NKPD1: variants seen among roughly 807,000 people sequenced by gnomAD.
NKPD1 encodes the protein NTPase KAP family P-loop domain-containing protein 1.
In NKPD1, 37 loss-of-function variants were observed where a neutral mutation model predicts 42.2. The observed-to-expected ratio is 0.88, with a 90% CI of 0.67 to 1.15. The LOEUF is 1.15. Among genes scored for constraint, NKPD1 ranks in the 50% most tolerant of loss-of-function variants. The pLI, the probability that NKPD1 is intolerant of heterozygous loss-of-function variation, is 0.00. For synonymous variants in NKPD1, 552 were observed against 536.5 expected, an observed-to-expected ratio of 1.03 and a Z score of -0.40; for missense variants, 1,113 against 1,174.6, an observed-to-expected ratio of 0.95 and a Z score of 0.77.
intron 3 of NKPD1, among the ~76,000 whole-genome samples, chr19:45,157,865 C>T (rs1484191872): frequency 6.6e-6 from 1 of 151,658 alleles, no homozygotes; most frequent in Non-Finnish European, 1.5e-5. Context: ...ACTGGGATTA[C>T]ACGCGCCAGC....
At position 45,151,999 on chromosome 19, in the gene NKPD1, T is replaced by C; in HGVS notation, c.2438A>G (p.Lys813Arg). ...GAGCGCACAGGCCACCGGCCATAGC[T>C]TGCCCCTGTGGGCCAAGTCCCCAGT... ...HHTGDLAHRGKLWPVACALFR... is the reference protein window; with the variant it reads ...HHTGDLAHRGRLWPVACALFR... Residue 813 changes from lysine to arginine, a missense_variant, in exon 5 of 5, where the codon AAG becomes AGG. By Grantham distance (26) the Lys-to-Arg change is conservative. Around this residue, in one of 3 missense-constraint regions of NKPD1, gnomAD observed 867 missense variants for 870.1 expected, o/e 1.00. Coordinates refer to ENST00000686631, the MANE Select transcript of NKPD1 (RefSeq NM_198478.4). 1 of 1,609,682 alleles carries C rather than the reference T, an allele frequency of 6.2e-7. No homozygotes were observed. Among genetic ancestry groups the C allele is most frequent in the Non-Finnish European group, 8.5e-7 (1 of 1,178,068 alleles).
chr19:45,156,391 G>T (rs766236340), intron 3 of NKPD1, among the ~76,000 whole-genome samples: 1 of 152,154 alleles, frequency 6.6e-6, no homozygotes, highest in African/African-American at 2.4e-5. Flanking sequence ...TCCTCCCACC[G>T]TCCTGTCCAT....
At chr19:45,156,867 G>A (rs1311400969) in intron 3 of NKPD1, among the ~76,000 whole-genome samples, 1 of 152,240 alleles carries the variant, frequency 6.6e-6, no homozygotes, top group Non-Finnish European at 1.5e-5. Context: ...AGAGCCAGGA[G>A]GCCAGGAAGC....
In NKPD1 at chr19:45,153,610, A is replaced by T; in HGVS notation, c.827T>A (p.Phe276Tyr). The T allele has an allele frequency of 1.3e-6, 2 of 1,577,034 alleles. No individual in the cohort carries two copies. The highest frequency in any genetic ancestry group is 1.7e-6 in the Non-Finnish European group (2 of 1,159,456). The change falls in exon 5 of 5, where the codon TTC becomes TAC. Residue 276 changes from phenylalanine (F) to tyrosine (Y), a missense_variant. By Grantham distance (22) the Phe-to-Tyr change is conservative. This residue lies in a region of NKPD1 where 867 missense variants were observed against 870.1 expected (regional missense o/e 1.00). Transcript: ENST00000686631. ...CCAGGCGCTAAAGCGGATGAAAAGGAACTGCACGTTCCTGCGCCGCAGGTG... is the reference window on the plus strand; with the variant it reads ...CCAGGCGCTAAAGCGGATGAAAAGGTACTGCACGTTCCTGCGCCGCAGGTG... ...EVHLRRRNVQ[F>Y]LFIRFSAWQY...
intron 3 of NKPD1, among the ~76,000 whole-genome samples, chr19:45,157,743 G>C: frequency 4.2e-5 from 1 of 23,900 alleles, no homozygotes; most frequent in Non-Finnish European, 8.5e-5. Context: ...TTTTTTTTTT[G>C]AGACAGAGTC....
chr19:45,153,698 C>T lies in NKPD1; in HGVS notation c.739G>A (p.Gly247Ser), dbSNP rs1270718376. The stretch of plus-strand genomic sequence containing the variant: ...CACAGTAGCTGCGGGACGCCCCAGC[C>T]GCTCACGGCACGCGGCCGCCACTGC... ...HVQWRPRAVS[G>S]WGVPQLLWYL... The change falls in exon 5 of 5, where the codon GGC becomes AGC. Residue 247 changes from glycine to serine, a missense_variant. Around this residue, in one of 3 missense-constraint regions of NKPD1, gnomAD observed 867 missense variants for 870.1 expected, o/e 1.00. Transcript: ENST00000686631. 3 of 1,545,200 alleles carry T rather than the reference C, an allele frequency of 1.9e-6. No individual in the cohort carries two copies. Among genetic ancestry groups the T allele is most frequent in the Non-Finnish European group, 2.6e-6 (3 of 1,142,802 alleles).
chr19:45,153,451 C>G lies in NKPD1; in HGVS notation c.986G>C (p.Cys329Ser), dbSNP rs866062547. 1 of 1,549,326 alleles carries G rather than the reference C, an allele frequency of 6.5e-7. No homozygotes were observed. The highest frequency in any genetic ancestry group is 1.4e-5 in the African/African-American group (1 of 73,730). Residue 329 changes from cysteine (C) to serine (S), a missense_variant, in exon 5 of 5, where the codon TGC becomes TCC. By Grantham distance (112) the Cys-to-Ser change is moderately radical (BLOSUM62 -1). Coordinates refer to ENST00000686631, the MANE Select transcript of NKPD1 (RefSeq NM_198478.4). ...CCGACAATGCCACTCGCTCTGGCAG[C>G]AGTCCTGCCTGGTGGCCGGCTTGTT... ...LGNKPATRQD[C>S]CQSEWHCRRR...
Position 45,155,807 on chromosome 19 carries a change from G to A in NKPD1, c.639C>T (p.His213=), listed in dbSNP as rs969468568. 2.3e-6 allele frequency: 3 copies of A among 1,305,248 alleles called. No homozygotes were observed. The highest frequency in any genetic ancestry group is 2.1e-4 in the Middle Eastern group (1 of 4,694). 80.9% of individuals were successfully genotyped at this position (1,305,248 alleles called of 1,614,324 possible). ...CACCCGTGATCTTGTCCAGCATCAT[G>A]TGCAGGCGGCAGCCGAAAGGGGCAT... ...GFYAPFGCRL[H]MMLDKITALM... The change falls in exon 4 of 5, where the codon CAC becomes CAT. Residue 213 remains histidine (H), a synonymous_variant. Coordinates refer to ENST00000686631, the MANE Select transcript of NKPD1 (RefSeq NM_198478.4).
At chr19:45,155,160 T>C (rs1968878860) in intron 4 of NKPD1, among the ~76,000 whole-genome samples, 1 of 144,426 alleles carries the variant, frequency 6.9e-6, no homozygotes, top group South Asian at 2.2e-4. Flanking sequence ...CTACTAAAAA[T>C]ACAAAAAATT....
chr19:45,161,225 T>G (rs1045278095), upstream of NKPD1, among the ~76,000 whole-genome samples: 2 of 152,082 alleles, frequency 1.3e-5, no homozygotes, highest in African/African-American at 2.4e-5. Flanking sequence ...TCTGCTGGTG[T>G]GGGGGGGACA....
At chr19:45,160,857 A>G (rs1356635880) in intron 1 of NKPD1, among the ~76,000 whole-genome samples, 68 bp downstream of exon 1, 4 of 151,788 alleles carry the variant, frequency 2.6e-5, no homozygotes, top group Non-Finnish European at 5.9e-5. Flanking sequence ...GGGGCAGAGG[A>G]AACTGGGGTG....
chr19:45,152,931 T>C lies in NKPD1; in HGVS notation c.1506A>G (p.Leu502=), dbSNP rs1000200920. The change falls in exon 5 of 5, where the codon CTA becomes CTG. Residue 502 remains leucine (L), a synonymous_variant. Coordinates refer to ENST00000686631, the MANE Select transcript of NKPD1 (RefSeq NM_198478.4). ...TGCCCTTCATGTTGCCCGCGCTCTC[T>C]AGGCACGCGGCCAGGATGCTGGGGT... The part of the protein sequence containing the change: ...VVDPSILAAC[L]ESAGNMKGTA... 5 of 1,582,114 alleles carry C rather than the reference T, an allele frequency of 3.2e-6. No homozygotes were observed. The highest frequency in any genetic ancestry group is 4.3e-6 in the Non-Finnish European group (5 of 1,162,690).
At chr19:45,161,226 G>A (rs140769774), upstream of NKPD1, among the ~76,000 whole-genome samples, 292 of 152,180 alleles carry the variant, frequency 1.9e-3, 8 homozygotes, top group East Asian at 0.049. Context: ...CTGCTGGTGT[G>A]GGGGGGACAG....
Position 45,153,400 on chromosome 19 carries a change from G to T in NKPD1, c.1037C>A (p.Ala346Glu). 6.4e-7 allele frequency: 1 copy of T among 1,555,666 alleles called. No individual in the cohort carries two copies. The highest frequency in any genetic ancestry group is 1.2e-5 in the South Asian group (1 of 85,508). ...CRRRVCLGLLALLAALGLGVG... is the reference protein window; with the variant it reads ...CRRRVCLGLLELLAALGLGVG... The stretch of plus-strand genomic sequence containing the variant: ...ACCCAGGCCCAGCGCCGCCAGCAGC[G>T]CCAGCAGCCCCAGGCACACGCGGCG... Residue 346 changes from alanine (A) to glutamate (E), a missense_variant, in exon 5 of 5, where the codon GCG becomes GAG. Around this residue, in one of 3 missense-constraint regions of NKPD1, gnomAD observed 867 missense variants for 870.1 expected, o/e 1.00. Coordinates refer to ENST00000686631, the MANE Select transcript of NKPD1 (RefSeq NM_198478.4).
Position 45,159,103 on chromosome 19 carries a change from G to A in NKPD1, c.92-3C>T. On this transcript the variant is annotated splice_polypyrimidine_tract_variant and splice_region_variant and intron_variant, in intron 2 of 4. Coordinates refer to ENST00000686631, the MANE Select transcript of NKPD1 (RefSeq NM_198478.4). ...CTGGCGCCACTGATGACAGCATCCT[G>A]GAAGGAAGGAAGTGGGGGTGACTGG... 1 of 1,276,590 alleles carries A rather than the reference G, an allele frequency of 7.8e-7. No individual in the cohort carries two copies. Among genetic ancestry groups the A allele is most frequent in the African/African-American group, 1.6e-5 (1 of 64,396 alleles). 79.1% of individuals were successfully genotyped at this position (1,276,590 alleles called of 1,614,324 possible).
Position 45,149,771 on chromosome 19 carries a change from T to C in NKPD1, c.*2167A>G, listed in dbSNP as rs1016398521. The C allele has an allele frequency of 2.0e-5, 3 of 152,216 alleles. No homozygotes were observed. Among genetic ancestry groups the C allele is most frequent in the African/African-American group, 7.2e-5 (3 of 41,462 alleles). The allele number at this position is 152,216 out of a possible 1,614,324, so 9.4% of individuals were successfully genotyped here. The stretch of plus-strand genomic sequence containing the variant: ...AATGTCCTAACACAGGAGATGTTTA[T>C]TGTCACATGTGGATGTTCAGAGTGG... On this transcript the variant is annotated 3_prime_UTR_variant, in exon 5 of 5. Coordinates refer to ENST00000686631, the MANE Select transcript of NKPD1 (RefSeq NM_198478.4).
Position 45,152,904 on chromosome 19 carries a change from C to G in NKPD1, c.1533G>C (p.Thr511=). 1.3e-6 allele frequency: 2 copies of G among 1,582,014 alleles called. No homozygotes were observed. Among genetic ancestry groups the G allele is most frequent in the Non-Finnish European group, 1.7e-6 (2 of 1,161,478 alleles). ...TGAGGAAGAGGTAGCCGTTATCGGC[C>G]GTGCCCTTCATGTTGCCCGCGCTCT... ...CLESAGNMKG[T]ADNGYLFLNR... The change falls in exon 5 of 5, where the codon ACG becomes ACC. Residue 511 remains threonine (T), a synonymous_variant. Transcript: ENST00000686631.
rs1568458704 is a variant in NKPD1 at position 45,158,161 on chromosome 19, G to A, written c.529+502C>T. Among the ~76,000 whole-genome samples the A allele has an allele frequency of 6.6e-6, 1 of 152,222 alleles. No homozygotes were observed. Among genetic ancestry groups the A allele is most frequent in the African/African-American group, 2.4e-5 (1 of 41,446 alleles). ...TAGAACAGGGTCTGGCACGCTCAGG[G>A]TGCTGGATACCTAGTCATGGAGTGA... On this transcript the variant is annotated intron_variant, in intron 3 of 4. Coordinates refer to ENST00000686631, the MANE Select transcript of NKPD1 (RefSeq NM_198478.4). The surrounding 1 kb of genome is among the most constrained non-coding windows in gnomAD (Gnocchi z 4.6).
chr19:45,151,781 G>T lies in NKPD1; in HGVS notation c.*157C>A. The T allele has an allele frequency of 1.3e-6, 1 of 755,128 alleles. No homozygotes were observed. Among genetic ancestry groups the T allele is most frequent in the Non-Finnish European group, 2.0e-6 (1 of 503,146 alleles). 46.8% of individuals were successfully genotyped at this position (755,128 alleles called of 1,614,324 possible). On this transcript the variant is annotated 3_prime_UTR_variant, in exon 5 of 5. Coordinates refer to ENST00000686631, the MANE Select transcript of NKPD1 (RefSeq NM_198478.4). ...GCACCGGCTTGTGGCCGCACTCCTTGGAAGCTATGTCCACGGCTCTGGCTC... is the reference window on the plus strand; with the variant it reads ...GCACCGGCTTGTGGCCGCACTCCTTTGAAGCTATGTCCACGGCTCTGGCTC...
Sources: allele counts gnomAD v4.1 joint callset (sites outside exome capture counted in the v4.1 genomes callset), GRCh38; gene constraint gnomAD v4.1.1; regional missense constraint gnomAD v4.1.1; non-coding constraint Gnocchi (gnomAD v3.1); transcripts MANE v1.5; gene names NCBI Gene and HGNC (gene_info 2026-07-23, HGNC 2026-07-21).